LRIF1: variants seen among roughly 807,000 people sequenced by gnomAD.
LRIF1 encodes the protein ligand dependent nuclear receptor interacting factor 1, also known as ligand-dependent nuclear receptor-interacting factor 1.
Under a neutral mutation model 52.7 loss-of-function variants are expected in LRIF1, and 32 were observed. The observed-to-expected ratio is 0.61, with a 90% confidence interval of 0.46 to 0.82. The LOEUF is 0.82. Among genes scored for constraint, LRIF1 ranks in the 40% least tolerant of loss-of-function variants. LRIF1 has a pLI of 0.00. For synonymous variants in LRIF1, 323 were observed against 317.4 expected (o/e 1.02, Z -0.19); for missense variants, 887 against 892.0 (o/e 0.99, Z 0.07).
chr1:110,900,886 G>A, the LRIF1 span, among the ~76,000 whole-genome samples: 3 of 151,938 alleles, frequency 2.0e-5, no homozygotes, highest in African/African-American at 7.3e-5. Context: ...AAGCTAAATT[G>A]AATTGTCTAT....
the LRIF1 span, among the ~76,000 whole-genome samples, chr1:110,915,490 A>AAAAT: frequency 2.3e-3 from 322 of 141,920 alleles, 1 homozygote; most frequent in African/African-American, 6.6e-3. Context: ...TCCGTCTCAA[A>AAAAT]AAATAAATAA....
the LRIF1 span, among the ~76,000 whole-genome samples, chr1:110,911,183 AG>A: frequency 1.3e-5 from 2 of 150,998 alleles, no homozygotes; most frequent in Non-Finnish European, 3.0e-5. Flanking sequence ...TCAACCCCCC[AG>A]GGAAAAAAAA....
At chr1:110,927,129 G>A in the LRIF1 span, among the ~76,000 whole-genome samples, 1 of 152,166 alleles carries the variant, frequency 6.6e-6, no homozygotes, top group Admixed American at 6.5e-5. Flanking sequence ...ACCAGTCTTT[G>A]TTTGAAAGGC....
At chr1:110,891,163 A>G in the LRIF1 span, among the ~76,000 whole-genome samples, 2 of 152,246 alleles carry the variant, frequency 1.3e-5, no homozygotes, top group East Asian at 1.9e-4. Context: ...ACTTAATTCA[A>G]TGTTAAGCAT....
At chr1:110,921,439 T>G in the LRIF1 span, among the ~76,000 whole-genome samples, 1 of 152,046 alleles carries the variant, frequency 6.6e-6, no homozygotes, top group Non-Finnish European at 1.5e-5. Context: ...AAACACCAAA[T>G]GTAAAACAAT....
chr1:110,907,576 A>G, the LRIF1 span, among the ~76,000 whole-genome samples: 1 of 152,160 alleles, frequency 6.6e-6, no homozygotes, highest in African/African-American at 2.4e-5. Flanking sequence ...CACTAAAAAT[A>G]CAAAAAAAAT....
At chr1:110,942,259 A>T (rs1004353866), downstream of LRIF1, 1 of 152,134 alleles carries the variant, frequency 6.6e-6, no homozygotes, top group Non-Finnish European at 1.5e-5. Flanking sequence ...ATGTATTGCC[A>T]TATTTTTACA....
chr1:110,953,697 CTTAT>C (rs1370999944), intron 1 of LRIF1, among the ~76,000 whole-genome samples: 1 of 152,070 alleles, frequency 6.6e-6, no homozygotes, highest in Admixed American at 6.5e-5. Context: ...AATACCTTAC[CTTAT>C]TTATATCTAA....
At chr1:110,913,597 T>C in the LRIF1 span, among the ~76,000 whole-genome samples, 1 of 151,988 alleles carries the variant, frequency 6.6e-6, no homozygotes, top group Non-Finnish European at 1.5e-5. Flanking sequence ...AAAGATACCA[T>C]CTCACGCCAG....
At chr1:110,908,305 G>A in the LRIF1 span, among the ~76,000 whole-genome samples, 6 of 152,222 alleles carry the variant, frequency 3.9e-5, no homozygotes, top group African/African-American at 1.4e-4. Context: ...CTACACAGGT[G>A]AGAAAGTGCG....
At chr1:110,904,308 G>A in the LRIF1 span, among the ~76,000 whole-genome samples, 2 of 152,180 alleles carry the variant, frequency 1.3e-5, no homozygotes, top group Non-Finnish European at 2.9e-5. Flanking sequence ...AGTGGTTACA[G>A]CAGGCCTTGG....
rs1658494450 is a variant in LRIF1 at position 110,951,879 on chromosome 1, TG to T, written c.1004del (p.Pro335HisfsTer3). On this transcript the variant is annotated frameshift_variant, in exon 2 of 4. Transcript: ENST00000369763. LOFTEE classifies it high-confidence loss of function. ...KNLGDNTINM[P>X]PLSTIDPSGT... ...CACTAGGATCGATGGTACTCAATGG[TG>T]GCATATTTATAGTATTATCTCCCAA... is the stretch of plus-strand genomic sequence containing the variant. 6.2e-7 allele frequency: 1 copy of T among 1,613,794 alleles called. No homozygotes were observed.
the LRIF1 span, among the ~76,000 whole-genome samples, chr1:110,890,581 G>GAGAGAA: frequency 0.62 from 92,724 of 149,680 alleles, 30,472 homozygotes; most frequent in Non-Finnish European, 0.74. Context: ...AAGAAAGAAA[G>GAGAGAA]AGAGAAAGAG....
At chr1:110,957,457 C>G (rs1658748951) in intron 1 of LRIF1, among the ~76,000 whole-genome samples, 1 of 68,938 alleles carries the variant, frequency 1.5e-5, no homozygotes, top group Non-Finnish European at 2.6e-5. Flanking sequence ...GGCGACAAAG[C>G]AAGACTCAGT....
the LRIF1 span, among the ~76,000 whole-genome samples, chr1:110,877,439 T>C: frequency 6.6e-6 from 1 of 152,332 alleles, no homozygotes; most frequent in East Asian, 1.9e-4. Flanking sequence ...GGAGAACCTC[T>C]GGTCTCTTGA....
At chr1:110,905,603 C>T in the LRIF1 span, among the ~76,000 whole-genome samples, 2 of 152,060 alleles carry the variant, frequency 1.3e-5, no homozygotes, top group African/African-American at 2.4e-5. Context: ...GGGATTTCAT[C>T]AACACCAGTT....
At chr1:110,961,467 T>C (rs1221305354) in intron 1 of LRIF1, among the ~76,000 whole-genome samples, 1 of 152,202 alleles carries the variant, frequency 6.6e-6, no homozygotes, top group Admixed American at 6.5e-5. Context: ...CCCAAATCAA[T>C]ATAAATTAAA....
chr1:110,881,445 T>A, the LRIF1 span, among the ~76,000 whole-genome samples: 1 of 152,260 alleles, frequency 6.6e-6, no homozygotes, highest in Non-Finnish European at 1.5e-5. Flanking sequence ...TCATTCTTTT[T>A]AATTGCTAAG....
chr1:110,936,943 T>C, the LRIF1 span: 3 of 152,104 alleles, frequency 2.0e-5, no homozygotes, highest in Non-Finnish European at 4.4e-5. Flanking sequence ...GCTATACTTA[T>C]ATCATACAAA....
Sources: allele counts gnomAD v4.1 joint callset (sites outside exome capture counted in the v4.1 genomes callset), GRCh38; gene constraint gnomAD v4.1.1; transcripts MANE v1.5; gene names NCBI Gene and HGNC (gene_info 2026-07-23, HGNC 2026-07-21).